PLXND1: variants seen among roughly 807,000 people sequenced by gnomAD.
PLXND1 encodes the protein plexin-D1.
A neutral mutation model predicts 197.7 loss-of-function variants in PLXND1; 54 were observed. The ratio of observed to expected loss-of-function variants is 0.27; its 90% CI spans 0.22 to 0.34. The LOEUF (loss-of-function observed/expected upper bound fraction) is 0.34. Among genes scored for constraint, PLXND1 ranks in the 10% least tolerant of loss-of-function variants. PLXND1 has a pLI of 1.00. For synonymous variants in PLXND1, 1,180 were observed against 1,161.2 expected (o/e 1.02, Z -0.33); for missense variants, 2,127 against 2,699.2 (o/e 0.79, Z 4.70).
At chr3:129,587,223 C>A (rs987889240) in intron 2 of PLXND1, among the ~76,000 whole-genome samples, 1 of 152,168 alleles carries the variant, frequency 6.6e-6, no homozygotes, top group African/African-American at 2.4e-5. Flanking sequence ...TTCCTCCCCC[C>A]GACGCCCATT....
chr3:129,602,599 G>C (rs1345286388), intron 1 of PLXND1, among the ~76,000 whole-genome samples: 1 of 152,182 alleles, frequency 6.6e-6, no homozygotes, highest in Non-Finnish European at 1.5e-5. Flanking sequence ...GCATGGGACT[G>C]GGCTCACAAT....
chr3:129,560,766 G>C, intron 29 of PLXND1, 43 bp from the exon 30 acceptor site: 2,438 of 1,025,232 alleles, frequency 2.4e-3, no homozygotes, highest in Non-Finnish European at 3.4e-3. Flanking sequence ...GGAGAGGAGA[G>C]GAGAGAAACA....
intron 8 of PLXND1, among the ~76,000 whole-genome samples, chr3:129,582,275 G>T (rs1483546594): frequency 1.3e-5 from 2 of 152,260 alleles, no homozygotes; most frequent in Non-Finnish European, 2.9e-5. Context: ...GGGTAGACAG[G>T]GCTTCAGGGA....
rs371330317 is a variant in PLXND1, at chr3:129,558,607, T to G, written c.5298-32A>C. ...GGTAGGGTGACAAAGACAGTGAGGG[T>G]AGGGTGGGGTAGGAAGCAGTCGAGG... is the stretch of plus-strand genomic sequence containing the variant. On this transcript the variant is annotated intron_variant, in intron 32 of 35. Coordinates refer to ENST00000324093, the MANE Select transcript of PLXND1 (RefSeq NM_015103.3). This position sits in a 1 kb window ranked among gnomAD's most constrained non-coding sequence, Gnocchi z 4.1. 1.5e-4 allele frequency: 244 copies of G among 1,604,926 alleles called. 6 individuals carry two copies. The South Asian group carries it at 2.5e-3, about 16-fold the overall frequency.
In PLXND1 at chr3:129,575,717, G is replaced by A. The variant is rs770362042; in HGVS notation, c.2436+49C>T. 5 of 1,385,072 alleles carry A rather than the reference G, an allele frequency of 3.6e-6. No individual in the cohort carries two copies. In the Admixed American group the frequency reaches 7.1e-5, roughly 20 times the overall value. 85.8% of individuals were successfully genotyped at this position (1,385,072 alleles called of 1,614,324 possible). ...GGTGGGGTGAGGGGTACAGCATCTG[G>A]ACTTAACGCAGGCCCGCCCTCCGCC... On this transcript the variant is annotated intron_variant, in intron 10 of 35. Transcript: ENST00000324093.
intron 12 of PLXND1, 69 bp downstream of exon 12, chr3:129,574,267 C>T: frequency 2.8e-6 from 4 of 1,432,438 alleles, no homozygotes; most frequent in Non-Finnish European, 3.7e-6. Flanking sequence ...AGAAGTGGGA[C>T]CCTCGAGGGC....
chr3:129,586,218 C>G lies in PLXND1; in HGVS notation c.1675G>C (p.Val559Leu). ...CCGCAGTAGGCGTCCGCCGCACCCA[C>G]GCAGTCCCCACAGGTGGAGTGCACG... is the stretch of plus-strand genomic sequence containing the variant. ...CNVHSTCGDC[V>L]GAADAYCGWC... The change falls in exon 4 of 36, where the codon GTG (valine) becomes CTG (leucine). Residue 559 changes from valine (V) to leucine (L), a missense_variant. Physicochemically the swap from Val to Leu is conservative, Grantham distance 32. Coordinates refer to ENST00000324093, the MANE Select transcript of PLXND1 (RefSeq NM_015103.3). 1 of 1,602,572 alleles carries G rather than the reference C, an allele frequency of 6.2e-7. No homozygotes were observed. The highest frequency in any genetic ancestry group is 8.5e-7 in the Non-Finnish European group (1 of 1,178,140).
In PLXND1 at chr3:129,569,899, G is replaced by C; in HGVS notation, c.3809C>G (p.Thr1270Arg). Reference protein sequence around the residue: ...IATLQLGGSETAIIVSIVICS... With the variant: ...IATLQLGGSERAIIVSIVICS... Reference sequence around the variant, plus strand: ...GATGACGATGGACACGATGATGGCCGTCTCGCTGCCCCCCAGCTGCAGTGT... The same window carrying C: ...GATGACGATGGACACGATGATGGCCCTCTCGCTGCCCCCCAGCTGCAGTGT... Residue 1270 changes from threonine to arginine, a missense_variant, in exon 20 of 36, where the codon ACG (threonine) becomes AGG (arginine). Coordinates refer to ENST00000324093, the MANE Select transcript of PLXND1 (RefSeq NM_015103.3). 1 of 1,613,360 alleles carries C rather than the reference G, an allele frequency of 6.2e-7. No homozygotes were observed. The highest frequency in any genetic ancestry group is 1.7e-5 in the Admixed American group (1 of 60,026).
intron 1 of PLXND1, among the ~76,000 whole-genome samples, chr3:129,598,394 C>A (rs1576281709): frequency 6.6e-6 from 1 of 152,274 alleles, no homozygotes; most frequent in East Asian, 1.9e-4. Flanking sequence ...CTCTTGGGGG[C>A]TGTCCTGTAG....
In PLXND1 at chr3:129,563,774, T is replaced by C. The variant is rs572523590; in HGVS notation, c.4522-534A>G. ...AGGGTGGCCCTCCAGGCAGTGGCTC[T>C]GCTGGACCCACAGCCATGAGCTGAT... On this transcript the variant is annotated intron_variant, in intron 25 of 35. Coordinates refer to ENST00000324093, the MANE Select transcript of PLXND1 (RefSeq NM_015103.3). Among the ~76,000 whole-genome samples, 51 of 152,244 alleles carry C rather than the reference T, an allele frequency of 3.3e-4. 1 individual carries two copies. The highest frequency in any genetic ancestry group is 6.5e-4 in the Non-Finnish European group (44 of 68,036).
At chr3:129,560,306 A>G (rs1578304416) in intron 31 of PLXND1, 24 bp downstream of exon 31, 1 of 1,443,736 alleles carries the variant, frequency 6.9e-7, no homozygotes, top group Middle Eastern at 1.7e-4. Context: ...CACTGCACAG[A>G]GGGGAGACTG....
At chr3:129,592,632 G>T (rs1362094084) in intron 1 of PLXND1, among the ~76,000 whole-genome samples, 1 of 148,394 alleles carries the variant, frequency 6.7e-6, no homozygotes, top group South Asian at 2.1e-4. Flanking sequence ...CCCACCCCGC[G>T]CTGACTTTCA....
intron 7 of PLXND1, among the ~76,000 whole-genome samples, 190 bp downstream of exon 7, chr3:129,583,935 G>A (rs1198314050): frequency 6.6e-6 from 1 of 152,250 alleles, no homozygotes; most frequent in Non-Finnish European, 1.5e-5. Context: ...GCTGTCCACA[G>A]AGGCCAGGCA....
chr3:129,575,115 C>T (rs2085292670), intron 11 of PLXND1, among the ~76,000 whole-genome samples: 1 of 152,188 alleles, frequency 6.6e-6, no homozygotes, highest in Non-Finnish European at 1.5e-5. Context: ...CAGACAGTCA[C>T]AGCAACTGCA....
At chr3:129,589,307 G>GCCGGGCCCCCCCCCCC in intron 2 of PLXND1, 44 bp downstream of exon 2, 8 of 684,690 alleles carry the variant, frequency 1.2e-5, no homozygotes, top group Non-Finnish European at 1.5e-5. Context: ...TCCCAGGGGA[G>GCCGGGCCCCCCCCCCC]CCTCCCACCC....
In PLXND1 at chr3:129,555,375, A is replaced by C; in HGVS notation, c.*937T>G. 1 of 615,440 alleles carries C rather than the reference A, an allele frequency of 1.6e-6. No individual in the cohort carries two copies. The allele number at this position is 615,440 out of a possible 1,614,324, so 38.1% of individuals were successfully genotyped here. On this transcript the variant is annotated 3_prime_UTR_variant, in exon 36 of 36. Transcript: ENST00000324093. The stretch of plus-strand genomic sequence containing the variant: ...AGAGGGTCGTTTCTGGCAGGAACGG[A>C]GTGGGTGGTAGTCTCAGGCGCCAGG...
In PLXND1 at chr3:129,567,528, C is replaced by A. The variant is rs780742135; in HGVS notation, c.4050G>T (p.Glu1350Asp). ...LNRSQGIPFL[E>D]YKHFVTRTFF... ...AGGTGCGGGTCACGAAGTGCTTATA[C>A]TCCAGGAAGGGGATGCCCTGGCTGC... Residue 1350 changes from glutamate (E) to aspartate (D), a missense_variant, in exon 22 of 36, where the codon GAG becomes GAT. This residue lies in a region of PLXND1 where 532 missense variants were observed against 811.0 expected (regional missense o/e 0.66). Transcript: ENST00000324093. 5 of 1,610,478 alleles carry A rather than the reference C, an allele frequency of 3.1e-6. No individual in the cohort carries two copies. The highest frequency in any genetic ancestry group is 2.2e-5 in the South Asian group (2 of 90,500).
At chr3:129,589,582 G>T in intron 1 of PLXND1, 55 bp from the exon 2 acceptor site, 1 of 1,433,396 alleles carries the variant, frequency 7.0e-7, no homozygotes, top group Non-Finnish European at 9.3e-7. Context: ...CCGGCTCCCC[G>T]CCCGCACAGC....
At position 129,606,322 on chromosome 3, in the gene PLXND1, A is replaced by G; in HGVS notation, c.318T>C (p.Ala106=). 1 of 1,500,650 alleles carries G rather than the reference A, an allele frequency of 6.7e-7. No homozygotes were observed. The allele number at this position is 1,500,650 out of a possible 1,614,324, so 93.0% of individuals were successfully genotyped here. The change falls in exon 1 of 36, where the codon GCT becomes GCC. Residue 106 remains alanine (A), a synonymous_variant. Transcript: ENST00000324093. ...CGCACGAGGCCTGCGGCAGCTGCGGAGCGTGACACAGCGGGCTGTCGGGCA... is the reference window on the plus strand; with the variant it reads ...CGCACGAGGCCTGCGGCAGCTGCGGGGCGTGACACAGCGGGCTGTCGGGCA... ...GPVPDSPLCH[A]PQLPQASCEH...
Sources: gnomAD v4.1 joint callset for allele counts (sites outside exome capture counted in the v4.1 genomes callset) on GRCh38, gnomAD v4.1.1 for gene constraint, gnomAD v4.1.1 regional missense constraint, Gnocchi (gnomAD v3.1) non-coding constraint, MANE v1.5 for transcripts, NCBI Gene and HGNC (gene_info 2026-07-23, HGNC 2026-07-21) for gene names.